The following NRG1 variants were observed in gnomAD, a reference collection of about 807,000 sequenced individuals.
NRG1 encodes the protein pro-neuregulin-1, membrane-bound isoform.
A neutral mutation model predicts 63.8 loss-of-function variants in NRG1; 18 were observed. That is an observed-to-expected ratio of 0.28 (90% CI 0.19 to 0.42). The LOEUF (loss-of-function observed/expected upper bound fraction) is 0.42. NRG1 is among the 10% of genes least tolerant of loss of function. The pLI is 1.00. For synonymous variants in NRG1, 302 were observed against 301.3 expected, an observed-to-expected ratio of 1.00 and a Z score of -0.02; for missense variants, 762 against 814.7, an observed-to-expected ratio of 0.94 and a Z score of 0.79.
rs528383214 is a variant in NRG1 at position 31,750,564 on chromosome 8, G to C, written c.37+111133G>C. On this transcript the variant is annotated intron_variant, in intron 1 of 10. Transcript: ENST00000519301. ...CACTTAACAGTGGACGTAATCAGTAGAGAGAACTAAGACCTTTAGGATTCT... is the reference window on the plus strand; with the variant it reads ...CACTTAACAGTGGACGTAATCAGTACAGAGAACTAAGACCTTTAGGATTCT... Among the ~76,000 whole-genome samples the C allele has an allele frequency of 5.3e-5, 8 of 152,038 alleles. No homozygotes were observed. The South Asian group carries it at 1.0e-3, about 20-fold the overall frequency.
intron 1 of NRG1, among the ~76,000 whole-genome samples, chr8:31,841,810 A>G (rs1270165414): frequency 6.6e-6 from 1 of 152,200 alleles, no homozygotes; most frequent in African/African-American, 2.4e-5. Context: ...CCCCTTCCTT[A>G]CTTTTTTTAC....
chr8:32,510,343 C>T (rs2129500264), intron 1 of NRG1, among the ~76,000 whole-genome samples: 1 of 150,918 alleles, frequency 6.6e-6, no homozygotes, highest in South Asian at 2.1e-4. Flanking sequence ...GCATAGGTAA[C>T]ATAGGGAGAC....
chr8:31,901,394 G>A (rs1832068240), intron 1 of NRG1, among the ~76,000 whole-genome samples: 1 of 152,128 alleles, frequency 6.6e-6, no homozygotes, highest in Non-Finnish European at 1.5e-5. Flanking sequence ...ATGTTGGAAA[G>A]TTATGACCTA....
intron 1 of NRG1, among the ~76,000 whole-genome samples, chr8:32,296,647 CA>C (rs972952997): frequency 4.4e-5 from 6 of 137,264 alleles, no homozygotes; most frequent in African/African-American, 1.1e-4. Context: ...TCCTTAAAAA[CA>C]AAAAAAGCTT....
chr8:32,182,130 A>G (rs1841495520), intron 1 of NRG1, among the ~76,000 whole-genome samples: 1 of 152,200 alleles, frequency 6.6e-6, no homozygotes, highest in South Asian at 2.1e-4. Flanking sequence ...GAAAAAGAGG[A>G]GCTGGGCACA....
intron 1 of NRG1, among the ~76,000 whole-genome samples, chr8:31,745,665 G>A (rs953281639): frequency 6.6e-6 from 1 of 151,770 alleles, no homozygotes; most frequent in Non-Finnish European, 1.5e-5. Context: ...TCTTTGAGGG[G>A]CATTAATATT....
At chr8:31,672,815 C>T (rs1807290888) in intron 1 of NRG1, among the ~76,000 whole-genome samples, 1 of 151,994 alleles carries the variant, frequency 6.6e-6, no homozygotes, top group African/African-American at 2.4e-5. Flanking sequence ...ATTAATTTTC[C>T]TGAGAGCAGA....
intron 1 of NRG1, among the ~76,000 whole-genome samples, chr8:31,824,051 G>A (rs897984568): frequency 9.2e-5 from 14 of 151,606 alleles, no homozygotes; most frequent in Non-Finnish European, 1.2e-4. Flanking sequence ...AAGTTTTAGG[G>A]TACATGTGCA....
intron 1 of NRG1, among the ~76,000 whole-genome samples, chr8:32,421,545 C>T (rs532384858): frequency 5.9e-5 from 9 of 152,238 alleles, no homozygotes; most frequent in Middle Eastern, 3.4e-3. Flanking sequence ...GGGCTATTAC[C>T]GTTCCAAGAC....
chr8:31,863,227 A>G (rs1236377462), intron 1 of NRG1, among the ~76,000 whole-genome samples: 3 of 152,218 alleles, frequency 2.0e-5, no homozygotes, highest in Non-Finnish European at 4.4e-5. Flanking sequence ...GACTTCTTGG[A>G]TATTGAAAAT....
intron 5 of NRG1, among the ~76,000 whole-genome samples, chr8:32,660,738 A>G (rs547053006): frequency 6.6e-6 from 1 of 152,276 alleles, no homozygotes; most frequent in South Asian, 2.1e-4. Flanking sequence ...GGCAATAACT[A>G]TACTTTCCTC....
At chr8:32,008,117 T>C (rs1814086915) in intron 1 of NRG1, among the ~76,000 whole-genome samples, 1 of 152,074 alleles carries the variant, frequency 6.6e-6, no homozygotes, top group African/African-American at 2.4e-5. Flanking sequence ...TCTGTTGATG[T>C]AGTCTTCTGA....
intron 1 of NRG1, among the ~76,000 whole-genome samples, chr8:32,080,822 A>G (rs1827360152): frequency 6.7e-6 from 1 of 148,648 alleles, no homozygotes; most frequent in Non-Finnish European, 1.5e-5. Flanking sequence ...AGAGACAGAC[A>G]GAAAGAGAGT....
intron 1 of NRG1, among the ~76,000 whole-genome samples, chr8:32,579,365 A>C (rs1840252918): frequency 6.6e-6 from 1 of 152,160 alleles, no homozygotes; most frequent in Admixed American, 6.6e-5. Flanking sequence ...GCGTAACAGC[A>C]CTGGGAGGTG....
chr8:31,917,370 A>C (rs1833489021), intron 1 of NRG1, among the ~76,000 whole-genome samples: 1 of 150,388 alleles, frequency 6.6e-6, no homozygotes, highest in African/African-American at 2.5e-5. Context: ...TCCATCTTGA[A>C]TTGATTTTTG....
At chr8:32,397,421 G>A (rs569942054) in intron 1 of NRG1, among the ~76,000 whole-genome samples, 1 of 151,106 alleles carries the variant, frequency 6.6e-6, no homozygotes, top group Non-Finnish European at 1.5e-5. Context: ...CTCAATAAAT[G>A]TATTTAAATT....
At chr8:32,771,852 G>T (rs527382868), downstream of NRG1, among the ~76,000 whole-genome samples, 2 of 146,348 alleles carry the variant, frequency 1.4e-5, no homozygotes, top group Non-Finnish European at 3.0e-5. Flanking sequence ...GTGAAACCTC[G>T]TCTCTATTAA....
intron 1 of NRG1, among the ~76,000 whole-genome samples, chr8:32,590,542 T>G (rs931249031): frequency 6.6e-6 from 1 of 152,194 alleles, no homozygotes; most frequent in Non-Finnish European, 1.5e-5. Context: ...AAAAATTTTT[T>G]TGCACTTTTA....
At chr8:32,581,880 C>T (rs988521578) in intron 1 of NRG1, among the ~76,000 whole-genome samples, 43 of 152,180 alleles carry the variant, frequency 2.8e-4, no homozygotes, top group Admixed American at 2.6e-3. Context: ...AGCTAAACTG[C>T]AGACCTTACT....
Sources: allele counts gnomAD v4.1 joint callset (sites outside exome capture counted in the v4.1 genomes callset), GRCh38; gene constraint gnomAD v4.1.1; transcripts MANE v1.5; gene names NCBI Gene and HGNC (gene_info 2026-07-23, HGNC 2026-07-21).